The following ABCC1 variants were observed in gnomAD, a reference collection of about 807,000 sequenced individuals.
ABCC1 encodes multidrug resistance-associated protein 1.
In ABCC1, 83 loss-of-function variants were observed where a neutral mutation model predicts 172.9. The ratio of observed to expected loss-of-function variants is 0.48; its 90% CI spans 0.40 to 0.58. The LOEUF (loss-of-function observed/expected upper bound fraction) is 0.58, where lower values mean the gene tolerates loss of function less well. Ranked by LOEUF, ABCC1 falls within the 20% of genes least tolerant of loss-of-function variation. The probability of loss-of-function intolerance (pLI) is 0.00; values close to 1 mark genes in which losing one functional copy is unlikely to be tolerated. For missense variants in ABCC1, 1,817 were observed against 2,002.7 expected (o/e 0.91, Z 1.77); for synonymous variants, 937 against 825.2 (o/e 1.14, Z -2.32).
intron 21 of ABCC1, among the ~76,000 whole-genome samples, chr16:16,110,464 A>G (rs2052338548): frequency 6.6e-6 from 1 of 151,990 alleles, no homozygotes; most frequent in Non-Finnish European, 1.5e-5. Context: ...TTCTCGGCTC[A>G]CTGTAACCTC....
chr16:16,062,552 T>C (rs1035353218), intron 12 of ABCC1, among the ~76,000 whole-genome samples: 5 of 152,176 alleles, frequency 3.3e-5, no homozygotes, highest in South Asian at 4.1e-4. Context: ...TCTTGCCATT[T>C]AGTTTCCCGG....
At chr16:16,022,782 G>A (rs953550251) in intron 5 of ABCC1, among the ~76,000 whole-genome samples, 7 of 152,118 alleles carry the variant, frequency 4.6e-5, no homozygotes, top group Admixed American at 1.3e-4. Flanking sequence ...CAGAAAAGTC[G>A]AAAGAATTCT....
intron 20 of ABCC1, among the ~76,000 whole-genome samples, chr16:16,103,870 G>C (rs1008602458): frequency 6.6e-6 from 1 of 152,190 alleles, no homozygotes; most frequent in African/African-American, 2.4e-5. Context: ...TGAAGCCGCA[G>C]ACCCTCACGG....
chr16:16,025,119 G>A (rs769654668), intron 5 of ABCC1, among the ~76,000 whole-genome samples: 2 of 152,172 alleles, frequency 1.3e-5, no homozygotes, highest in Non-Finnish European at 2.9e-5. Context: ...TTGCACAGTT[G>A]GTAAGCAACA....
At chr16:16,028,280 C>T (rs2048444178) in intron 5 of ABCC1, among the ~76,000 whole-genome samples, 1 of 152,074 alleles carries the variant, frequency 6.6e-6, no homozygotes, top group Non-Finnish European at 1.5e-5. Flanking sequence ...TATTTGTTTG[C>T]ACCGTGGTTT....
At position 16,090,456 on chromosome 16, in the gene ABCC1, A is replaced by G. The variant is rs780819239; in HGVS notation, c.2512A>G (p.Ile838Val). 4.2e-5 allele frequency: 67 copies of G among 1,613,592 alleles called. No homozygotes were observed. In the East Asian group the frequency reaches 9.4e-4, roughly 23 times the overall value. The change falls in exon 19 of 31, where the codon ATC becomes GTC. Residue 838 changes from isoleucine (I) to valine (V), a missense_variant. Transcript: ENST00000399410. ...SMSYLPQVDVIIVMSGGKISE... is the reference protein window; with the variant it reads ...SMSYLPQVDVVIVMSGGKISE... ...GAGCTACTTGCCGCAGGTGGACGTC[A>G]TCATCGTCATGAGTGGCGGCAAGAT... is the stretch of plus-strand genomic sequence containing the variant.
chr16:16,106,652 AC>A, intron 20 of ABCC1, 85 bp from the exon 21 acceptor site: 1 of 1,557,440 alleles, frequency 6.4e-7, no homozygotes, highest in Non-Finnish European at 8.8e-7. Flanking sequence ...CATGGTTCAG[AC>A]CCACAATAGC....
chr16:15,979,190 C>T (rs761250630), intron 1 of ABCC1, among the ~76,000 whole-genome samples: 3 of 151,884 alleles, frequency 2.0e-5, no homozygotes, highest in Non-Finnish European at 4.4e-5. Context: ...ACTTGGGAGG[C>T]TGAGGCAGGA....
chr16:16,029,782 G>A (rs949178539), intron 5 of ABCC1, among the ~76,000 whole-genome samples: 3 of 152,104 alleles, frequency 2.0e-5, no homozygotes, highest in African/African-American at 7.2e-5. Flanking sequence ...TTGGGAAGCT[G>A]AGGCAGGAGG....
chr16:16,092,256 A>G (rs1398909146), intron 19 of ABCC1, among the ~76,000 whole-genome samples: 1 of 152,174 alleles, frequency 6.6e-6, no homozygotes, highest in Non-Finnish European at 1.5e-5. Flanking sequence ...AAAACAAAAC[A>G]AAACAAAAAT....
At position 16,048,216 on chromosome 16, in the gene ABCC1, T is replaced by C. The variant is rs745409877; in HGVS notation, c.1293T>C (p.Ala431=). Residue 431 remains alanine, a synonymous_variant, in exon 10 of 31, where the codon GCT becomes GCC. Coordinates refer to ENST00000399410, the MANE Select transcript of ABCC1 (RefSeq NM_004996.4). ...TTGTCAACCTCATGTCTGTGGACGC[T>C]CAGAGGTTCATGGACTTGGCCACGT... ...GEIVNLMSVD[A]QRFMDLATYI... The C allele has an allele frequency of 9.9e-6, 16 of 1,614,062 alleles. No homozygotes were observed. The highest frequency in any genetic ancestry group is 2.2e-5 in the South Asian group (2 of 91,088).
intron 26 of ABCC1, among the ~76,000 whole-genome samples, chr16:16,131,116 A>C (rs4781727): frequency 2.0e-4 from 31 of 151,762 alleles, no homozygotes; most frequent in African/African-American, 7.5e-4. Context: ...GTGAGACTCC[A>C]TCTCAAAAAA....
intron 11 of ABCC1, among the ~76,000 whole-genome samples, chr16:16,055,676 C>G (rs2049619651): frequency 6.6e-6 from 1 of 152,076 alleles, no homozygotes; most frequent in Non-Finnish European, 1.5e-5. Context: ...TTTCTTGCCT[C>G]TGTTCCTGGA....
At chr16:16,130,903 A>T (rs1348082216) in intron 26 of ABCC1, among the ~76,000 whole-genome samples, 2 of 152,134 alleles carry the variant, frequency 1.3e-5, no homozygotes, top group African/African-American at 4.8e-5. Context: ...TGGGTGGATC[A>T]TGAGGTCAGG....
At chr16:16,041,217 C>CCA (rs2048967136) in intron 7 of ABCC1, among the ~76,000 whole-genome samples, 1 of 151,940 alleles carries the variant, frequency 6.6e-6, no homozygotes, top group African/African-American at 2.4e-5. Flanking sequence ...CAGGCGTGAG[C>CCA]CACTGTGCCT....
rs778466369 is a variant in ABCC1 at position 16,044,515 on chromosome 16, A to G, written c.875A>G (p.Asp292Gly). 5.0e-6 allele frequency: 8 copies of G among 1,614,060 alleles called. No individual in the cohort carries two copies. The Admixed American group carries it at 1.3e-4, about 27-fold the overall frequency. ...PAQPKESSKVDANEEVEALIV... is the reference protein window; with the variant it reads ...PAQPKESSKVGANEEVEALIV... ...CAGCCGAAAGAGAGTTCCAAGGTGG[A>G]TGCGAATGAGGAGGTGGAGGCTTTG... is the stretch of plus-strand genomic sequence containing the variant. Residue 292 changes from aspartate (D) to glycine (G), a missense_variant, in exon 8 of 31, where the codon GAT becomes GGT. Physicochemically the swap from Asp to Gly is moderately conservative, Grantham distance 94 (BLOSUM62 -1). Around this residue, in one of 3 missense-constraint regions of ABCC1, gnomAD observed 398 missense variants for 384.2 expected, o/e 1.04. Transcript: ENST00000399410.
At chr16:16,098,760 T>C (rs1056223475) in intron 19 of ABCC1, 4 of 978,660 alleles carry the variant, frequency 4.1e-6, no homozygotes, top group African/African-American at 3.3e-5. Flanking sequence ...CAGCCATTCT[T>C]GCCTCTCCCC....
chr16:16,104,393 A>G (rs1393935845), intron 20 of ABCC1, among the ~76,000 whole-genome samples: 4 of 152,144 alleles, frequency 2.6e-5, no homozygotes, highest in African/African-American at 4.8e-5. Flanking sequence ...CCCCTGAGCT[A>G]GATACGTAAG....
intron 20 of ABCC1, 172 bp from the exon 21 acceptor site, chr16:16,106,566 G>A: frequency 8.2e-6 from 5 of 606,438 alleles, no homozygotes; most frequent in Non-Finnish European, 1.3e-5. Context: ...CCTGGAGAGT[G>A]ACATGGTGGG....
Sources: gnomAD v4.1 joint callset for allele counts (sites outside exome capture counted in the v4.1 genomes callset) on GRCh38, gnomAD v4.1.1 for gene constraint, gnomAD v4.1.1 regional missense constraint, MANE v1.5 for transcripts, NCBI Gene and HGNC (gene_info 2026-07-23, HGNC 2026-07-21) for gene names.